NTM: variants seen among roughly 807,000 people sequenced by gnomAD.
NTM encodes the protein neurotrimin, also known as IgLON family member 2.
A neutral mutation model predicts 42.1 loss-of-function variants in NTM; 13 were observed. The ratio of observed to expected loss-of-function variants is 0.31; its 90% CI spans 0.20 to 0.49. The LOEUF is 0.49. Among genes scored for constraint, NTM ranks in the 20% least tolerant of loss-of-function variants. The pLI, the probability that NTM is intolerant of heterozygous loss-of-function variation, is 0.99. For missense variants in NTM, 373 were observed against 452.8 expected (o/e 0.82, Z 1.60); for synonymous variants, 187 against 179.2 (o/e 1.04, Z -0.35).
In NTM at chr11:132,213,891, C is replaced by A. The variant is rs918968589; in HGVS notation, c.526+1744C>A. Among the ~76,000 whole-genome samples, 3 of 116,788 alleles carry A rather than the reference C, an allele frequency of 2.6e-5. 1 individual carries two copies. The highest frequency in any genetic ancestry group is 5.8e-5 in the Non-Finnish European group (3 of 51,350). The allele number at this position is 116,788 out of a possible 152,430, so 76.6% of individuals were successfully genotyped here. A position where few individuals can be genotyped will look rare whatever the true frequency, so the allele number is the denominator to read the frequency against. The stretch of plus-strand genomic sequence containing the variant: ...CTGGGACTACAGGCGCCCGCCACTA[C>A]GCCCGGCTAATTTTTTGTATTTTTA... On this transcript the variant is annotated intron_variant, in intron 4 of 8. Coordinates refer to ENST00000683400, the MANE Select transcript of NTM (RefSeq NM_001352005.2).
intron 1 of NTM, among the ~76,000 whole-genome samples, chr11:131,615,431 T>A (rs541242863): frequency 6.6e-6 from 1 of 152,110 alleles, no homozygotes; most frequent in Non-Finnish European, 1.5e-5. Flanking sequence ...AGTGGTGCAA[T>A]CTCGGTTCAC....
Position 131,674,548 on chromosome 11 carries a change from G to A in NTM, c.83-237016G>A, listed in dbSNP as rs139080689. ...AGCTGGCCACTCGCTGGTATCAGTC[G>A]GGCAAGCGAACTCTTTGTGTGGGAT... On this transcript the variant is annotated intron_variant, in intron 1 of 8. Coordinates refer to ENST00000683400, the MANE Select transcript of NTM (RefSeq NM_001352005.2). 1.0e-3 allele frequency among the ~76,000 whole-genome samples: 156 copies of A among 152,262 alleles called. 1 individual carries two copies. The highest frequency in any genetic ancestry group is 3.6e-3 in the African/African-American group (149 of 41,536).
At chr11:131,945,513 T>G (rs2060249697) in intron 2 of NTM, among the ~76,000 whole-genome samples, 2 of 152,126 alleles carry the variant, frequency 1.3e-5, no homozygotes, top group South Asian at 4.1e-4. Flanking sequence ...CCCTAACACA[T>G]GTAAGCCTAT....
chr11:132,179,551 A>G (rs61905989), intron 3 of NTM, among the ~76,000 whole-genome samples: 5,253 of 152,270 alleles, frequency 0.034, 141 homozygotes, highest in African/African-American at 0.069. Context: ...TAAGGAGTTT[A>G]CATCCTGTGA....
chr11:131,992,685 G>T (rs2067247069), intron 2 of NTM, among the ~76,000 whole-genome samples: 2 of 152,096 alleles, frequency 1.3e-5, no homozygotes, highest in Non-Finnish European at 2.9e-5. Flanking sequence ...ACAATTGCCT[G>T]AAAAGATTGA....
intron 2 of NTM, among the ~76,000 whole-genome samples, chr11:132,059,824 T>C (rs1194366111): frequency 1.3e-5 from 2 of 151,948 alleles, no homozygotes; most frequent in Non-Finnish European, 2.9e-5. Context: ...TTCCCAAATT[T>C]GTTATTCAGT....
intron 1 of NTM, among the ~76,000 whole-genome samples, chr11:131,585,670 C>T (rs1389225378): frequency 1.3e-5 from 2 of 152,194 alleles, no homozygotes; most frequent in Non-Finnish European, 2.9e-5. Flanking sequence ...TTCTCTATCT[C>T]ATTTCATGCC....
chr11:131,873,682 CATATATATACACACAT>C (rs1008642557), intron 1 of NTM, among the ~76,000 whole-genome samples: 8 of 110,318 alleles, frequency 7.3e-5, no homozygotes, highest in Non-Finnish European at 1.4e-4. Flanking sequence ...TATATACACA[CATATATATACACACAT>C]ATATATATAT....
chr11:131,640,725 G>A (rs2065029335), intron 1 of NTM, among the ~76,000 whole-genome samples: 1 of 152,150 alleles, frequency 6.6e-6, no homozygotes. Flanking sequence ...ACCTGTAGAT[G>A]TCCTTGTCCC....
intron 1 of NTM, among the ~76,000 whole-genome samples, chr11:131,899,318 G>C (rs1041047589): frequency 2.0e-5 from 3 of 152,180 alleles, no homozygotes; most frequent in African/African-American, 7.2e-5. Flanking sequence ...AAAGGGAACT[G>C]TTCTCCTCCT....
At chr11:131,680,627 C>CTGTGTG (rs34021892) in intron 1 of NTM, among the ~76,000 whole-genome samples, 13 of 210 alleles carry the variant, frequency 0.062, 1 homozygote, top group African/African-American at 0.15. Flanking sequence ...CTGTGAGTGC[C>CTGTGTG]TGTGTGTGTG....
chr11:131,778,057 A>C (rs1209337827), intron 1 of NTM, among the ~76,000 whole-genome samples: 1 of 152,252 alleles, frequency 6.6e-6, no homozygotes, highest in Non-Finnish European at 1.5e-5. Flanking sequence ...TAAGACTGTC[A>C]TTACATCAAC....
rs2095374415 is a variant in NTM, at chr11:132,314,608, T to C, written c.839T>C (p.Leu280Pro). The change falls in exon 7 of 9, where the codon CTC becomes CCC. Residue 280 changes from leucine to proline, a missense_variant. Leu to Pro is a moderately conservative substitution (Grantham distance 98). Around this residue, in one of 3 missense-constraint regions of NTM, gnomAD observed 312 missense variants for 353.5 expected, o/e 0.88. Coordinates refer to ENST00000683400, the MANE Select transcript of NTM (RefSeq NM_001352005.2). ...GAAAACAGACCTTTCCTCTCAAAACTCATCTTCTTCAATGTCTCTGAACAT... is the reference window on the plus strand; with the variant it reads ...GAAAACAGACCTTTCCTCTCAAAACCCATCTTCTTCAATGTCTCTGAACAT... The part of the protein sequence containing the change: ...KVENRPFLSK[L>P]IFFNVSEHDY... 1 of 1,613,914 alleles carries C rather than the reference T, an allele frequency of 6.2e-7. No individual in the cohort carries two copies. Among genetic ancestry groups the C allele is most frequent in the Admixed American group, 1.7e-5 (1 of 59,980 alleles).
At chr11:131,699,702 G>T (rs2075860065) in intron 1 of NTM, among the ~76,000 whole-genome samples, 1 of 152,096 alleles carries the variant, frequency 6.6e-6, no homozygotes, top group South Asian at 2.1e-4. Context: ...TCACATGAAG[G>T]CAGGAAAGAG....
intron 1 of NTM, among the ~76,000 whole-genome samples, chr11:131,568,883 G>GCTCT (rs376817705): frequency 6.6e-6 from 1 of 151,618 alleles, no homozygotes; most frequent in African/African-American, 2.4e-5. Context: ...GCTCCCAGAT[G>GCTCT]CTCTCTCTCT....
intron 1 of NTM, among the ~76,000 whole-genome samples, chr11:131,711,161 C>T (rs896203671): frequency 2.6e-5 from 4 of 151,972 alleles, no homozygotes; most frequent in Non-Finnish European, 4.4e-5. Flanking sequence ...GCTTCTGCAC[C>T]GCAAAAGAAA....
At chr11:131,660,641 C>T (rs2067898319) in intron 1 of NTM, 1 of 453,720 alleles carries the variant, frequency 2.2e-6, no homozygotes, top group African/African-American at 2.0e-5. Context: ...CACCCCTCCC[C>T]CCTTATTCCT....
intron 7 of NTM, among the ~76,000 whole-genome samples, chr11:132,327,275 T>G (rs2095703303): frequency 6.6e-6 from 1 of 152,188 alleles, no homozygotes; most frequent in Non-Finnish European, 1.5e-5. Flanking sequence ...CTCCTGGGCA[T>G]TAAGTCAGAT....
At chr11:132,256,650 T>C (rs1466454464) in intron 4 of NTM, among the ~76,000 whole-genome samples, 29 of 151,654 alleles carry the variant, frequency 1.9e-4, no homozygotes, top group South Asian at 4.2e-4. Context: ...TTTTTTTTTT[T>C]CCCCTGGGCT....
Sources: gnomAD v4.1 joint callset for allele counts (sites outside exome capture counted in the v4.1 genomes callset) on GRCh38, gnomAD v4.1.1 for gene constraint, gnomAD v4.1.1 regional missense constraint, MANE v1.5 for transcripts, NCBI Gene and HGNC (gene_info 2026-07-23, HGNC 2026-07-21) for gene names.